Variants in HMOX2 observed in about 807,000 individuals in gnomAD.
HMOX2 encodes the protein heme oxygenase (decycling) 2.
Under a neutral mutation model 33.7 loss-of-function variants are expected in HMOX2, and 30 were observed. The ratio of observed to expected loss-of-function variants is 0.89; its 90% CI spans 0.67 to 1.21. The LOEUF is 1.21. Among genes scored for constraint, HMOX2 ranks in the 50% most tolerant of loss-of-function variants. HMOX2 has a pLI of 0.00. For synonymous variants in HMOX2, 155 were observed against 155.0 expected (o/e 1.00, Z 0.00); for missense variants, 403 against 399.1 (o/e 1.01, Z -0.08).
intron 1 of HMOX2, among the ~76,000 whole-genome samples, chr16:4,477,499 A>G (rs1422419864): frequency 1.3e-4 from 3 of 23,268 alleles, no homozygotes; most frequent in South Asian, 1.4e-3. Flanking sequence ...ACTCCATCTA[A>G]AAAAAAAAAA....
intron 1 of HMOX2, among the ~76,000 whole-genome samples, chr16:4,485,056 C>A (rs559644367): frequency 6.6e-6 from 1 of 152,026 alleles, no homozygotes; most frequent in African/African-American, 2.4e-5. Flanking sequence ...ACCTCCACCT[C>A]CTGGGTTCAA....
chr16:4,499,718 T>C (rs910763812), intron 1 of HMOX2, among the ~76,000 whole-genome samples: 1 of 152,212 alleles, frequency 6.6e-6, no homozygotes, highest in Non-Finnish European at 1.5e-5. Context: ...CTGATGGATA[T>C]GTTAATAACC....
chr16:4,508,320 G>C (rs1387519240), intron 4 of HMOX2, 116 bp downstream of exon 4: 3 of 1,261,612 alleles, frequency 2.4e-6, no homozygotes, highest in Non-Finnish European at 3.3e-6. Context: ...GCTGCAGGGT[G>C]CCGAGAGGAA....
At chr16:4,493,956 A>C (rs2058359285) in intron 1 of HMOX2, among the ~76,000 whole-genome samples, 1 of 152,224 alleles carries the variant, frequency 6.6e-6, no homozygotes, top group African/African-American at 2.4e-5. Context: ...TTAGTGAGTT[A>C]CAGCCAAGTG....
chr16:4,495,294 G>A (rs1369725852), intron 1 of HMOX2, among the ~76,000 whole-genome samples: 1 of 152,196 alleles, frequency 6.6e-6, no homozygotes, highest in African/African-American at 2.4e-5. Context: ...CTCTTTGGGT[G>A]TAGGCAGGGC....
intron 1 of HMOX2, chr16:4,502,998 G>C (rs1033969143): frequency 6.6e-6 from 1 of 152,228 alleles, no homozygotes; most frequent in Non-Finnish European, 1.5e-5. Flanking sequence ...TGTATTTTTA[G>C]TAGAGACAGG....
At chr16:4,499,258 C>T (rs750678012) in intron 1 of HMOX2, among the ~76,000 whole-genome samples, 1 of 152,180 alleles carries the variant, frequency 6.6e-6, no homozygotes, top group Non-Finnish European at 1.5e-5. Flanking sequence ...ACTTAGTCTT[C>T]GCAGCACACA....
chr16:4,499,237 C>T (rs966773473), intron 1 of HMOX2, among the ~76,000 whole-genome samples: 3 of 152,162 alleles, frequency 2.0e-5, no homozygotes, highest in Non-Finnish European at 4.4e-5. Context: ...AACATTCATG[C>T]GTGTTAGCCC....
rs529503763 is a variant in HMOX2, at chr16:4,481,559, A to C, written c.-42+5072A>C. Among the ~76,000 whole-genome samples the C allele has an allele frequency of 2.6e-5, 4 of 152,290 alleles. No homozygotes were observed. In the South Asian group the frequency reaches 8.3e-4, roughly 32 times the overall value. The stretch of plus-strand genomic sequence containing the variant: ...AGAATTGTTCTGGAAAGTCGGGTAC[A>C]TAAAGCTCTATCTTTAGCACAGTTG... On this transcript the variant is annotated intron_variant, in intron 1 of 5. Coordinates refer to ENST00000570646, the MANE Select transcript of HMOX2 (RefSeq NM_002134.4).
Position 4,509,636 on chromosome 16 carries a change from G to A in HMOX2, c.831G>A (p.Leu277=). 1.2e-6 allele frequency: 2 copies of A among 1,613,648 alleles called. No homozygotes were observed. The highest frequency in any genetic ancestry group is 1.7e-6 in the Non-Finnish European group (2 of 1,179,548). ...ATTGGTGCTGCCACACAGGTGCCCT[G>A]GAGGGCAGCAGCTGTCCCTTCCGAA... is the stretch of plus-strand genomic sequence containing the variant. The part of the protein sequence containing the change: ...FYAAEQDKGA[L]EGSSCPFRTA... Residue 277 remains leucine, a synonymous_variant, in exon 6 of 6, where the codon CTG becomes CTA. Transcript: ENST00000570646.
intron 1 of HMOX2, among the ~76,000 whole-genome samples, chr16:4,480,961 G>T (rs1028954041): frequency 2.0e-5 from 3 of 150,366 alleles, no homozygotes; most frequent in Non-Finnish European, 4.4e-5. Context: ...GCCAGGCCTC[G>T]TATTTTTGCT....
chr16:4,497,023 G>C (rs1477687974), intron 1 of HMOX2, among the ~76,000 whole-genome samples: 5 of 152,004 alleles, frequency 3.3e-5, no homozygotes, highest in Non-Finnish European at 7.4e-5. Context: ...AAGGCTTCAG[G>C]CTGTTTATAG....
At chr16:4,508,664 G>C (rs1044693492) in intron 4 of HMOX2, among the ~76,000 whole-genome samples, 3 of 152,180 alleles carry the variant, frequency 2.0e-5, no homozygotes, top group African/African-American at 7.2e-5. Context: ...CCCAGGTCCT[G>C]TCAGCTTCCA....
At position 4,507,914 on chromosome 16, in the gene HMOX2, GAGC is replaced by G. The variant is rs1416274648; in HGVS notation, c.407_409del (p.Glu136_Arg137delinsGly). 1.2e-6 allele frequency: 2 copies of G among 1,614,102 alleles called. No individual in the cohort carries two copies. The highest frequency in any genetic ancestry group is 1.7e-6 in the Non-Finnish European group (2 of 1,180,012). ...CCCCAAGGCTGCCCAGAAGTACGTG[GAGC>G]GGATCCACTACATAGGGCAGAACGA... On this transcript the variant is annotated inframe_deletion, in exon 4 of 6. Transcript: ENST00000570646.
Position 4,506,944 on chromosome 16 carries a change from G to A in HMOX2, c.136G>A (p.Asp46Asn), listed in dbSNP as rs200960043. ...LLKEGTKEAHDRAENTQFVKD... is the reference protein window; with the variant it reads ...LLKEGTKEAHNRAENTQFVKD... The stretch of plus-strand genomic sequence containing the variant: ...GAAGGAAGGGACCAAGGAAGCACAC[G>A]ACCGGGCAGAAAACACCCAGTTTGT... Residue 46 changes from aspartate to asparagine, a missense_variant, in exon 3 of 6, where the codon GAC (aspartate) becomes AAC (asparagine). By Grantham distance (23) the Asp-to-Asn change is conservative (BLOSUM62 1). Coordinates refer to ENST00000570646, the MANE Select transcript of HMOX2 (RefSeq NM_002134.4). 3.5e-5 allele frequency: 56 copies of A among 1,614,088 alleles called. No individual in the cohort carries two copies. Among genetic ancestry groups the A allele is most frequent in the East Asian group, 2.5e-4 (11 of 44,878 alleles).
chr16:4,484,575 C>G (rs1258443110), intron 1 of HMOX2, among the ~76,000 whole-genome samples: 1 of 151,516 alleles, frequency 6.6e-6, no homozygotes, highest in African/African-American at 2.4e-5. Context: ...ATTCTCCTGC[C>G]TCAGCCTCCC....
At chr16:4,498,884 G>GA (rs2058489195) in intron 1 of HMOX2, among the ~76,000 whole-genome samples, 2 of 152,284 alleles carry the variant, frequency 1.3e-5, no homozygotes, top group South Asian at 4.1e-4. Context: ...AGGGTGTTGA[G>GA]AAGTCTCTGT....
intron 4 of HMOX2, 33 bp from the exon 5 acceptor site, chr16:4,509,379 A>G (rs1192306632): frequency 1.2e-6 from 2 of 1,601,910 alleles, no homozygotes; most frequent in African/African-American, 1.4e-5. Flanking sequence ...TGGGCAGCCC[A>G]AAGATGGCTC....
chr16:4,486,246 A>G (rs2058164554), intron 1 of HMOX2, among the ~76,000 whole-genome samples: 1 of 152,260 alleles, frequency 6.6e-6, no homozygotes. Flanking sequence ...ACCCTAGGAC[A>G]TTCCTTTGTA....
Sources: allele counts gnomAD v4.1 joint callset (sites outside exome capture counted in the v4.1 genomes callset), GRCh38; gene constraint gnomAD v4.1.1; transcripts MANE v1.5; gene names NCBI Gene and HGNC (gene_info 2026-07-23, HGNC 2026-07-21).